The following TEKT4 variants were observed in gnomAD, a reference collection of about 807,000 sequenced individuals.
TEKT4 encodes tektin-4.
Under a neutral mutation model 46.0 loss-of-function variants are expected in TEKT4, and 46 were observed. The ratio of observed to expected loss-of-function variants is 1.00; its 90% CI spans 0.79 to 1.28. The LOEUF (loss-of-function observed/expected upper bound fraction) is 1.28, where lower values mean the gene tolerates loss of function less well. Ranked by LOEUF, TEKT4 falls within the 50% of genes most tolerant of loss-of-function variation. The probability of loss-of-function intolerance (pLI) is 0.00; values close to 1 mark genes in which losing one functional copy is unlikely to be tolerated. For synonymous variants in TEKT4, 325 were observed against 265.8 expected, an observed-to-expected ratio of 1.22 and a Z score of -2.17; for missense variants, 790 against 622.9, an observed-to-expected ratio of 1.27 and a Z score of -2.85.
In TEKT4 at chr2:94,873,237, C is replaced by T. The variant is rs113834326; in HGVS notation, c.499-283C>T. 78 of 1,302,562 alleles carry T rather than the reference C, an allele frequency of 6.0e-5. No homozygotes were observed. In the East Asian group the frequency reaches 8.9e-4, roughly 15 times the overall value. The allele number at this position is 1,302,562 out of a possible 1,614,324, so 80.7% of individuals were successfully genotyped here. On this transcript the variant is annotated intron_variant, in intron 1 of 5. Coordinates refer to ENST00000295201, the MANE Select transcript of TEKT4 (RefSeq NM_144705.4). ...CCCAGGTGCACTGAGTGAGCAGCAG[C>T]GATGACTCCTGAAGCCTGGGGCGTG...
chr2:94,874,958 T>C lies in TEKT4; in HGVS notation c.896T>C (p.Leu299Pro). Residue 299 changes from leucine (L) to proline (P), a missense_variant, in exon 4 of 6, where the codon CTG becomes CCG. Physicochemically the swap from Leu to Pro is moderately conservative, Grantham distance 98. Coordinates refer to ENST00000295201, the MANE Select transcript of TEKT4 (RefSeq NM_144705.4). ...GCCTTCGGGCGCCGCTGTGAGGAGC[T>C]GGAGGACGCGCGGTACAAGCTGCAT... ...NLAFGRRCEE[L>P]EDARYKLHHH... 1.9e-6 allele frequency: 3 copies of C among 1,610,954 alleles called. No homozygotes were observed. Among genetic ancestry groups the C allele is most frequent in the Non-Finnish European group, 8.5e-7 (1 of 1,179,450 alleles).
At chr2:94,872,804 T>C (rs1282011758) in intron 1 of TEKT4, 49 of 1,289,074 alleles carry the variant, frequency 3.8e-5, no homozygotes, top group East Asian at 1.1e-4. Flanking sequence ...CTCCCTTCTT[T>C]ACCCTTCTGC....
At chr2:94,873,730 G>C in intron 2 of TEKT4, 140 bp downstream of exon 2, 3 of 1,289,772 alleles carry the variant, frequency 2.3e-6, no homozygotes, top group Non-Finnish European at 3.2e-6. Flanking sequence ...GACTGGGTGG[G>C]GGAGGTTCCG....
chr2:94,871,801 AGAGACCCAGGC>A lies in TEKT4; in HGVS notation c.224_234del (p.Glu75AlafsTer30). On this transcript the variant is annotated frameshift_variant, in exon 1 of 6. Transcript: ENST00000295201. LOFTEE classifies it high-confidence loss of function. ...GGCACGAGAGCCAGCAGCTGGCCAC[AGAGACCCAGGC>A]GCTGGCGCAGCGCACGCAGCAAGAC... 3.1e-6 allele frequency: 5 copies of A among 1,610,722 alleles called. No individual in the cohort carries two copies. The highest frequency in any genetic ancestry group is 4.2e-6 in the Non-Finnish European group (5 of 1,178,816).
intron 5 of TEKT4, 108 bp downstream of exon 5, chr2:94,875,850 C>A: frequency 1.7e-6 from 2 of 1,200,252 alleles, no homozygotes; most frequent in South Asian, 1.5e-5. Context: ...CCCGCAGGTG[C>A]TGAGAGGGGA....
Position 94,876,776 on chromosome 2 carries a change from G to A in TEKT4, c.*7G>A, listed in dbSNP as rs782266845. On this transcript the variant is annotated 3_prime_UTR_variant, in exon 6 of 6. Coordinates refer to ENST00000295201, the MANE Select transcript of TEKT4 (RefSeq NM_144705.4). ...GCTGGCTGGCTACCAGTGAGCAGCG[G>A]CACGGTGCTTCCCCCCAGTCCCCCA... The A allele has an allele frequency of 5.6e-6, 9 of 1,602,324 alleles. No homozygotes were observed. The Admixed American group carries it at 6.7e-5, about 12-fold the overall frequency.
At position 94,876,724 on chromosome 2, in the gene TEKT4, T is replaced by A. The variant is rs1221975668; in HGVS notation, c.1263T>A (p.His421Gln). ...TCGACCGCCAGAAGTGCATGGCCCATCGTACTCGCTACCCCACCATCCTGC... is the reference window on the plus strand; with the variant it reads ...TCGACCGCCAGAAGTGCATGGCCCAACGTACTCGCTACCCCACCATCCTGC... The part of the protein sequence containing the change: ...LFIDRQKCMA[H>Q]RTRYPTILQL... The change falls in exon 6 of 6, where the codon CAT becomes CAA. Residue 421 changes from histidine to glutamine, a missense_variant. His to Gln is a conservative substitution (Grantham distance 24). Coordinates refer to ENST00000295201, the MANE Select transcript of TEKT4 (RefSeq NM_144705.4). The A allele has an allele frequency of 6.2e-7, 1 of 1,611,056 alleles. No homozygotes were observed. Among genetic ancestry groups the A allele is most frequent in the Non-Finnish European group, 8.5e-7 (1 of 1,179,994 alleles).
At chr2:94,873,411 A>AT in intron 1 of TEKT4, 109 bp from the exon 2 acceptor site, 1 of 1,581,162 alleles carries the variant, frequency 6.3e-7, no homozygotes, top group East Asian at 2.3e-5. Context: ...CAGGCCCGGC[A>AT]TTCAACTCCT....
Position 94,874,907 on chromosome 2 carries a change from G to C in TEKT4, c.845G>C (p.Arg282Pro), listed in dbSNP as rs150192030. Residue 282 changes from arginine to proline, a missense_variant, in exon 4 of 6, where the codon CGG becomes CCG. By Grantham distance (103) the Arg-to-Pro change is moderately radical (BLOSUM62 -2). Transcript: ENST00000295201. Reference sequence around the variant, plus strand: ...CTTCGCGACACCTCCGAGGACCTGCGGCTCCAGTGCGACGCCGTGAACCTG... The same window carrying C: ...CTTCGCGACACCTCCGAGGACCTGCCGCTCCAGTGCGACGCCGTGAACCTG... ...CILRDTSEDL[R>P]LQCDAVNLAF... 9 of 1,612,128 alleles carry C rather than the reference G, an allele frequency of 5.6e-6. No homozygotes were observed. The highest frequency in any genetic ancestry group is 7.6e-6 in the Non-Finnish European group (9 of 1,179,582).
At chr2:94,872,187 A>G (rs1381761264) in intron 1 of TEKT4, 110 bp downstream of exon 1, 20 of 1,372,660 alleles carry the variant, frequency 1.5e-5, no homozygotes, top group Non-Finnish European at 1.6e-5. Flanking sequence ...GCGGGAGCCC[A>G]GCCCTCTGCA....
intron 3 of TEKT4, 29 bp from the exon 4 acceptor site, chr2:94,874,747 C>A: frequency 6.6e-7 from 1 of 1,522,992 alleles, no homozygotes. Flanking sequence ...GCCTCCCCGA[C>A]CCTCTCCTGG....
At position 94,876,583 on chromosome 2, in the gene TEKT4, G is replaced by T; in HGVS notation, c.1122G>T (p.Met374Ile). 1 of 1,610,840 alleles carries T rather than the reference G, an allele frequency of 6.2e-7. No homozygotes were observed. The part of the protein sequence containing the change: ...RLLSEVEELN[M>I]SLTALREKLL... ...TGAGTGAGGTGGAGGAGCTGAACAT[G>T]TCCCTCACAGCACTGCGAGAGAAGC... is the stretch of plus-strand genomic sequence containing the variant. Residue 374 changes from methionine (M) to isoleucine (I), a missense_variant, in exon 6 of 6, where the codon ATG (methionine) becomes ATT (isoleucine). Coordinates refer to ENST00000295201, the MANE Select transcript of TEKT4 (RefSeq NM_144705.4).
chr2:94,876,207 T>C (rs1680845626), intron 5 of TEKT4, among the ~76,000 whole-genome samples: 1 of 152,202 alleles, frequency 6.6e-6, no homozygotes, highest in Admixed American at 6.5e-5. Context: ...CCCTTCTAAG[T>C]ACCTTTCTTC....
intron 5 of TEKT4, 95 bp downstream of exon 5, chr2:94,875,837 T>A (rs1389695251): frequency 3.1e-6 from 4 of 1,292,712 alleles, no homozygotes; most frequent in Non-Finnish European, 4.3e-6. Flanking sequence ...CGCACACACA[T>A]CCCCCGCAGG....
chr2:94,875,781 G>C, intron 5 of TEKT4, 39 bp downstream of exon 5: 1 of 1,597,046 alleles, frequency 6.3e-7, no homozygotes, highest in Non-Finnish European at 8.6e-7. Flanking sequence ...AGGTGGCCCT[G>C]TCCACCTCCT....
At chr2:94,875,379 A>G (rs1187914882) in intron 4 of TEKT4, among the ~76,000 whole-genome samples, 4 of 152,158 alleles carry the variant, frequency 2.6e-5, no homozygotes, top group Non-Finnish European at 5.9e-5. Flanking sequence ...TTCTTGGACC[A>G]CAGCTAAGGG....
At chr2:94,873,681 G>C in intron 2 of TEKT4, 91 bp downstream of exon 2, 2 of 1,533,642 alleles carry the variant, frequency 1.3e-6, no homozygotes, top group Non-Finnish European at 8.9e-7. Flanking sequence ...CTGAGACTCA[G>C]AGCCAGCAGG....
chr2:94,873,450 T>G, intron 1 of TEKT4, 70 bp from the exon 2 acceptor site: 1 of 1,609,138 alleles, frequency 6.2e-7, no homozygotes. Flanking sequence ...GACCAAGGCC[T>G]GCAGCAGCTG....
chr2:94,873,388 C>A, intron 1 of TEKT4, 132 bp from the exon 2 acceptor site: 1 of 1,529,354 alleles, frequency 6.5e-7, no homozygotes, highest in Non-Finnish European at 8.8e-7. Context: ...GCAGAACTTA[C>A]ACAGTCAGAG....
Sources: gnomAD v4.1 joint callset for allele counts (sites outside exome capture counted in the v4.1 genomes callset) on GRCh38, gnomAD v4.1.1 for gene constraint, MANE v1.5 for transcripts, NCBI Gene and HGNC (gene_info 2026-07-23, HGNC 2026-07-21) for gene names.